Variants in UBASH3A observed in about 807,000 individuals in gnomAD.
UBASH3A encodes ubiquitin associated and SH3 domain containing A, also known as ubiquitin-associated and SH3 domain-containing protein A.
A neutral mutation model predicts 73.5 loss-of-function variants in UBASH3A; 63 were observed. The observed-to-expected ratio is 0.86, with a 90% CI of 0.70 to 1.06. The LOEUF is 1.06. UBASH3A is among the 50% of genes least tolerant of loss of function. The probability of loss-of-function intolerance (pLI) is 0.00; values close to 1 mark genes in which losing one functional copy is unlikely to be tolerated. For synonymous variants in UBASH3A, 363 were observed against 351.1 expected (o/e 1.03, Z -0.38); for missense variants, 860 against 859.0 (o/e 1.00, Z -0.02).
rs371679406 is a variant in UBASH3A at position 42,423,994 on chromosome 21, A to T, written c.1047-2703A>T. Among the ~76,000 whole-genome samples the T allele has an allele frequency of 4.6e-5, 7 of 152,216 alleles. No individual in the cohort carries two copies. The South Asian group carries it at 1.5e-3, about 32-fold the overall frequency. ...TCTTTTCAAACTGCTGAAAATCCTT[A>T]TTAAACATCTAAAGCTTTCAAAATC... is the stretch of plus-strand genomic sequence containing the variant. On this transcript the variant is annotated intron_variant, in intron 7 of 14. Coordinates refer to ENST00000319294, the MANE Select transcript of UBASH3A (RefSeq NM_018961.4).
intron 14 of UBASH3A, among the ~76,000 whole-genome samples, chr21:42,445,796 C>A (rs943900118): frequency 6.6e-6 from 1 of 152,164 alleles, no homozygotes; most frequent in African/African-American, 2.4e-5. Flanking sequence ...CATTTCCGAG[C>A]GCCCTGGATT....
At chr21:42,444,769 C>G in intron 14 of UBASH3A, 126 bp downstream of exon 14, 1 of 758,332 alleles carries the variant, frequency 1.3e-6, no homozygotes, top group Non-Finnish European at 2.3e-6. Context: ...GATCCACGTG[C>G]CCCCGGAGAC....
At chr21:42,421,637 C>T (rs755756549) in intron 7 of UBASH3A, among the ~76,000 whole-genome samples, 5 of 152,188 alleles carry the variant, frequency 3.3e-5, no homozygotes, top group African/African-American at 4.8e-5. Context: ...GAATTATTTT[C>T]TGTACCCTTC....
rs112270015 is a variant in UBASH3A, at chr21:42,436,423, G to A, written c.1394-1065G>A. Among the ~76,000 whole-genome samples, 1,314 of 152,276 alleles carry A rather than the reference G, an allele frequency of 8.6e-3. 19 individuals carry two copies. Among genetic ancestry groups the A allele is most frequent in the African/African-American group, 0.029 (1,202 of 41,546 alleles). On this transcript the variant is annotated intron_variant, in intron 10 of 14. Coordinates refer to ENST00000319294, the MANE Select transcript of UBASH3A (RefSeq NM_018961.4). ...GAGGAGATGGTGGTCCCAGGCCTCTGTCCCTGGCTTGCAGGTGACATTTTC... is the reference window on the plus strand; with the variant it reads ...GAGGAGATGGTGGTCCCAGGCCTCTATCCCTGGCTTGCAGGTGACATTTTC...
At position 42,416,547 on chromosome 21, in the gene UBASH3A, T is replaced by TG; in HGVS notation, c.776dup (p.His260ProfsTer35). On this transcript the variant is annotated frameshift_variant, in exon 6 of 15. Coordinates refer to ENST00000319294, the MANE Select transcript of UBASH3A (RefSeq NM_018961.4). LOFTEE classifies it high-confidence loss of function. ...GAGCAGCTGGCCAGAGCCATCCCCCTGGGCCACAGCTGCCAGTGGACCGCA... is the reference window on the plus strand; with the variant it reads ...GAGCAGCTGGCCAGAGCCATCCCCCTGGGGCCACAGCTGCCAGTGGACCGCA... 1 of 1,610,200 alleles carries TG rather than the reference T, an allele frequency of 6.2e-7. No homozygotes were observed. Among genetic ancestry groups the TG allele is most frequent in the Non-Finnish European group, 8.5e-7 (1 of 1,178,580 alleles).
At chr21:42,445,917 C>G (rs2053836306) in intron 14 of UBASH3A, among the ~76,000 whole-genome samples, 1 of 152,130 alleles carries the variant, frequency 6.6e-6, no homozygotes, top group Admixed American at 6.5e-5. Flanking sequence ...AGCCCCGGCA[C>G]CACCTGCTCC....
chr21:42,434,884 T>A lies in UBASH3A; in HGVS notation c.1323T>A (p.Ser441Arg). 5.0e-6 allele frequency: 8 copies of A among 1,613,944 alleles called. No homozygotes were observed. Among genetic ancestry groups the A allele is most frequent in the Non-Finnish European group, 6.8e-6 (8 of 1,179,958 alleles). ...TCCCCTGCAGTCTGCCAAGACGGAGTCGTGGGATCAAAGACTTTGAAAACG... is the reference window on the plus strand; with the variant it reads ...TCCCCTGCAGTCTGCCAAGACGGAGACGTGGGATCAAAGACTTTGAAAACG... ...LNFPCSLPRR[S>R]RGIKDFENDP... The change falls in exon 10 of 15, where the codon AGT becomes AGA. Residue 441 changes from serine (S) to arginine (R), a missense_variant. Physicochemically the swap from Ser to Arg is moderately radical, Grantham distance 110. Transcript: ENST00000319294.
At chr21:42,426,571 C>A in intron 7 of UBASH3A, 126 bp from the exon 8 acceptor site, 1 of 1,096,088 alleles carries the variant, frequency 9.1e-7, no homozygotes, top group Non-Finnish European at 1.3e-6. Context: ...TCATTTTGTG[C>A]TCATGGGAAC....
intron 7 of UBASH3A, among the ~76,000 whole-genome samples, chr21:42,423,843 T>C (rs947264968): frequency 6.6e-6 from 1 of 152,132 alleles, no homozygotes; most frequent in Non-Finnish European, 1.5e-5. Context: ...GTCTGATTGG[T>C]CCTGCTTTGG....
At position 42,413,203 on chromosome 21, in the gene UBASH3A, G is replaced by C. The variant is rs747516716; in HGVS notation, c.534G>C (p.Thr178=). The C allele has an allele frequency of 6.2e-6, 10 of 1,614,050 alleles. No homozygotes were observed. Among genetic ancestry groups the C allele is most frequent in the Non-Finnish European group, 5.9e-6 (7 of 1,180,044 alleles). Residue 178 remains threonine, a synonymous_variant, in exon 4 of 15, where the codon ACG becomes ACC. Transcript: ENST00000319294. The surrounding 1 kb of genome is among the most constrained non-coding windows in gnomAD (Gnocchi z 4.5). ...GGGAATTCGCCATGACCTTCGCCAC[G>C]GAAGCATCTCTCTTAGCAGGTGGGC... is the stretch of plus-strand genomic sequence containing the variant. The part of the protein sequence containing the change: ...VIREFAMTFA[T]EASLLAGTSV...
At chr21:42,410,642 G>A (rs1267022541) in intron 3 of UBASH3A, 1 of 166,100 alleles carries the variant, frequency 6.0e-6, no homozygotes, top group Non-Finnish European at 1.3e-5. Context: ...AATGGTACTT[G>A]TGACAAGCTG....
At chr21:42,425,740 C>T (rs561865631) in intron 7 of UBASH3A, among the ~76,000 whole-genome samples, 35 of 151,554 alleles carry the variant, frequency 2.3e-4, no homozygotes, top group Admixed American at 9.2e-4. Flanking sequence ...TGGCTCTGGA[C>T]GGGTCTCGGT....
At chr21:42,416,717 A>C in intron 6 of UBASH3A, 106 bp downstream of exon 6, 2 of 1,126,148 alleles carry the variant, frequency 1.8e-6, no homozygotes, top group Non-Finnish European at 2.4e-6. Context: ...GCGGATCATG[A>C]GGTCAGGAGA....
chr21:42,421,492 C>A (rs1307056738), intron 7 of UBASH3A, among the ~76,000 whole-genome samples: 1 of 152,194 alleles, frequency 6.6e-6, no homozygotes, highest in Non-Finnish European at 1.5e-5. Flanking sequence ...CTCTAGGGTT[C>A]CCCTCACCAC....
At chr21:42,430,478 T>C (rs17114906) in intron 8 of UBASH3A, among the ~76,000 whole-genome samples, 5,815 of 152,206 alleles carry the variant, frequency 0.038, 118 homozygotes, top group African/African-American at 0.051. Flanking sequence ...ACACAAGAGC[T>C]GCCCTCTCAT....
chr21:42,421,438 T>C (rs1251558302), intron 7 of UBASH3A, among the ~76,000 whole-genome samples: 1 of 152,214 alleles, frequency 6.6e-6, no homozygotes, highest in Admixed American at 6.5e-5. Flanking sequence ...CCATTTTATA[T>C]TTCACTCATT....
intron 13 of UBASH3A, among the ~76,000 whole-genome samples, chr21:42,444,097 T>G (rs1316621223): frequency 6.6e-6 from 1 of 152,214 alleles, no homozygotes. Context: ...CAAGCGTGTC[T>G]CCTGAGGGAG....
At chr21:42,418,243 T>A (rs1278830258) in intron 6 of UBASH3A, among the ~76,000 whole-genome samples, 158 bp from the exon 7 acceptor site, 1 of 152,220 alleles carries the variant, frequency 6.6e-6, no homozygotes, top group Non-Finnish European at 1.5e-5. Context: ...CATTCTGTGC[T>A]ATATATTGCC....
intron 11 of UBASH3A, 153 bp downstream of exon 11, chr21:42,437,733 T>C (rs1199154363): frequency 7.3e-6 from 5 of 688,196 alleles, no homozygotes; most frequent in Non-Finnish European, 1.3e-5. Context: ...CCTCCAAGGA[T>C]GCTGGCAGGC....
Sources: gnomAD v4.1 joint callset for allele counts (sites outside exome capture counted in the v4.1 genomes callset) on GRCh38, gnomAD v4.1.1 for gene constraint, Gnocchi (gnomAD v3.1) non-coding constraint, MANE v1.5 for transcripts, NCBI Gene and HGNC (gene_info 2026-07-23, HGNC 2026-07-21) for gene names.